Variants in RBFOX1 observed in about 807,000 individuals in gnomAD.
RBFOX1 encodes the protein RNA binding protein fox-1 homolog 1.
A neutral mutation model predicts 57.7 loss-of-function variants in RBFOX1; 8 were observed. The ratio of observed to expected loss-of-function variants is 0.14; its 90% CI spans 0.08 to 0.25. The LOEUF (loss-of-function observed/expected upper bound fraction) is 0.25. Among genes scored for constraint, RBFOX1 ranks in the 10% least tolerant of loss-of-function variants. RBFOX1 has a pLI of 1.00. For synonymous variants in RBFOX1, 326 were observed against 222.4 expected, an observed-to-expected ratio of 1.47 and a Z score of -4.15; for missense variants, 611 against 548.5, an observed-to-expected ratio of 1.11 and a Z score of -1.14.
chr16:5,437,736 C>G (rs1017469063), intron 1 of RBFOX1, among the ~76,000 whole-genome samples: 3 of 152,190 alleles, frequency 2.0e-5, no homozygotes, highest in Non-Finnish European at 4.4e-5. Flanking sequence ...CCTGCAATGG[C>G]TGTGCCTGGA....
chr16:6,872,533 G>C (rs150314236), intron 3 of RBFOX1, among the ~76,000 whole-genome samples: 6 of 152,046 alleles, frequency 3.9e-5, no homozygotes, highest in South Asian at 2.1e-4. Flanking sequence ...TTGAAAGTCT[G>C]GTTCCTGTTT....
intron 3 of RBFOX1, among the ~76,000 whole-genome samples, chr16:6,982,292 C>T (rs946379271): frequency 1.3e-5 from 2 of 152,166 alleles, no homozygotes; most frequent in Non-Finnish European, 2.9e-5. Context: ...GATTGACCTA[C>T]ATTATTCCAT....
At chr16:6,940,722 C>G (rs970575750) in intron 3 of RBFOX1, among the ~76,000 whole-genome samples, 1 of 151,600 alleles carries the variant, frequency 6.6e-6, no homozygotes, top group African/African-American at 2.4e-5. Context: ...CTCAGCCTCC[C>G]GAGTAGCTGG....
At chr16:5,912,912 C>G (rs982351234) in intron 4 of RBFOX1, among the ~76,000 whole-genome samples, 1 of 152,150 alleles carries the variant, frequency 6.6e-6, no homozygotes, top group Non-Finnish European at 1.5e-5. Context: ...CCTCCAGACC[C>G]AAGAACAGAG....
chr16:6,824,743 G>C (rs972947517), intron 3 of RBFOX1, among the ~76,000 whole-genome samples: 5 of 151,812 alleles, frequency 3.3e-5, no homozygotes, highest in African/African-American at 1.2e-4. Context: ...AAGTCCAAAA[G>C]CTTTCTTTAA....
intron 4 of RBFOX1, among the ~76,000 whole-genome samples, chr16:7,314,017 C>T (rs1284066605): frequency 6.8e-6 from 1 of 146,140 alleles, no homozygotes; most frequent in Non-Finnish European, 1.5e-5. Context: ...GGCGACCTGT[C>T]AACTTTGATG....
At chr16:7,345,322 C>A (rs982725195) in intron 4 of RBFOX1, among the ~76,000 whole-genome samples, 3 of 152,172 alleles carry the variant, frequency 2.0e-5, no homozygotes, top group African/African-American at 7.2e-5. Flanking sequence ...GAGGGGCCTG[C>A]TCTCGGGGAG....
At chr16:6,818,445 T>A (rs1020925357) in intron 3 of RBFOX1, among the ~76,000 whole-genome samples, 3 of 151,820 alleles carry the variant, frequency 2.0e-5, no homozygotes, top group Admixed American at 2.0e-4. Flanking sequence ...AAAAAAAAAA[T>A]ATTATTGAAT....
At chr16:7,182,752 C>T (rs2082971650) in intron 4 of RBFOX1, among the ~76,000 whole-genome samples, 2 of 152,178 alleles carry the variant, frequency 1.3e-5, no homozygotes, top group Middle Eastern at 3.4e-3. Flanking sequence ...GAAATGGAGC[C>T]CATCAGATTT....
chr16:7,566,254 C>A (rs893582533), intron 5 of RBFOX1, among the ~76,000 whole-genome samples: 1 of 152,124 alleles, frequency 6.6e-6, no homozygotes, highest in Admixed American at 6.5e-5. Flanking sequence ...GCTGAAGCAG[C>A]CTGCTTTTGA....
At chr16:5,511,085 G>A (rs2043569441) in intron 2 of RBFOX1, among the ~76,000 whole-genome samples, 1 of 152,312 alleles carries the variant, frequency 6.6e-6, no homozygotes, top group Middle Eastern at 3.4e-3. Flanking sequence ...AAAAAAAACA[G>A]TGTGGTTTGT....
intron 2 of RBFOX1, among the ~76,000 whole-genome samples, chr16:6,625,848 A>G (rs903458760): frequency 1.1e-4 from 16 of 152,218 alleles, no homozygotes; most frequent in Non-Finnish European, 2.4e-4. Flanking sequence ...GCAGCATTTA[A>G]TGATGTCTGC....
chr16:7,309,815 A>G (rs925440895), intron 4 of RBFOX1, among the ~76,000 whole-genome samples: 34 of 152,230 alleles, frequency 2.2e-4, no homozygotes, highest in African/African-American at 8.0e-4. Flanking sequence ...GGGTTGGGTG[A>G]TGAGCAGCAC....
chr16:7,204,430 C>G (rs138782305), intron 4 of RBFOX1, among the ~76,000 whole-genome samples: 1,898 of 152,190 alleles, frequency 0.012, 23 homozygotes, highest in Non-Finnish European at 0.017. Flanking sequence ...TCACTTGAGC[C>G]CAGGAGTTTG....
chr16:5,523,159 G>A (rs1200706181), intron 2 of RBFOX1, among the ~76,000 whole-genome samples: 2 of 152,278 alleles, frequency 1.3e-5, no homozygotes, highest in East Asian at 3.9e-4. Flanking sequence ...GGTGGTGCAT[G>A]CCTGTAATTC....
Position 5,999,900 on chromosome 16 carries a change from AAAAAAAAG to A in RBFOX1, c.351+132567_351+132574del, listed in dbSNP as rs2060563431. Among the ~76,000 whole-genome samples, 2 of 45,028 alleles carry A rather than the reference AAAAAAAAG, an allele frequency of 4.4e-5. 1 individual carries two copies. The highest frequency in any genetic ancestry group is 1.7e-4 in the African/African-American group (2 of 11,746). The allele number at this position is 45,028 out of a possible 152,430, so 29.5% of individuals were successfully genotyped here. On this transcript the variant is annotated intron_variant, in intron 4 of 19. Coordinates refer to the RBFOX1 transcript ENST00000641259. Reference sequence around the variant, plus strand: ...AAAAAAAAAAAAAAAAAAAAAAAAAAAAAAAAAGAGTGAAGAAGGGAAATCAGACAAGG... The same window carrying A: ...AAAAAAAAAAAAAAAAAAAAAAAAAAAGTGAAGAAGGGAAATCAGACAAGG...
At chr16:6,131,682 A>G (rs1275605755) in intron 1 of RBFOX1, among the ~76,000 whole-genome samples, 1 of 152,202 alleles carries the variant, frequency 6.6e-6, no homozygotes, top group Non-Finnish European at 1.5e-5. Context: ...TATTTTACTG[A>G]CTAATCTCAT....
chr16:6,587,350 T>C (rs1018457078), intron 2 of RBFOX1, among the ~76,000 whole-genome samples: 7 of 152,154 alleles, frequency 4.6e-5, no homozygotes. Flanking sequence ...GGTGCCATCC[T>C]AGCTCACAGC....
intron 2 of RBFOX1, among the ~76,000 whole-genome samples, chr16:6,624,797 A>AT (rs1183242697): frequency 4.6e-5 from 7 of 151,960 alleles, no homozygotes; most frequent in Non-Finnish European, 1.0e-4. Flanking sequence ...TAATTTTTTC[A>AT]TTTTTTCAGT....
Sources: allele counts gnomAD v4.1 joint callset (sites outside exome capture counted in the v4.1 genomes callset), GRCh38; gene constraint gnomAD v4.1.1; transcripts MANE v1.5; gene names NCBI Gene and HGNC (gene_info 2026-07-23, HGNC 2026-07-21).